FANCL: variants seen among roughly 807,000 people sequenced by gnomAD.
FANCL encodes the protein FA complementation group L, also known as E3 ubiquitin-protein ligase FANCL.
FANCL carries 69 observed loss-of-function variants against 59.4 expected under a neutral mutation model. The observed-to-expected ratio is 1.16, with a 90% CI of 0.96 to 1.42. FANCL has a LOEUF of 1.42. Among genes scored for constraint, FANCL ranks in the 40% most tolerant of loss-of-function variants. FANCL has a pLI of 0.00. For missense variants in FANCL, 519 were observed against 447.2 expected (o/e 1.16, Z -1.45); for synonymous variants, 180 against 147.1 (o/e 1.22, Z -1.62).
At chr2:58,161,789 T>C in intron 11 of FANCL, 151 bp from the exon 12 acceptor site, 1 of 636,686 alleles carries the variant, frequency 1.6e-6, no homozygotes, top group Non-Finnish European at 2.9e-6. Flanking sequence ...CCTCAACATT[T>C]ACCTTTTATG....
intron 5 of FANCL, among the ~76,000 whole-genome samples, chr2:58,220,613 T>C (rs2103727617): frequency 6.6e-6 from 1 of 152,334 alleles, no homozygotes; most frequent in South Asian, 2.1e-4. Flanking sequence ...AGTTATCAGG[T>C]AATGGTATAA....
At chr2:58,183,906 G>T (rs1292380560) in intron 7 of FANCL, among the ~76,000 whole-genome samples, 1 of 151,912 alleles carries the variant, frequency 6.6e-6, no homozygotes, top group Non-Finnish European at 1.5e-5. Flanking sequence ...ATGGTAACAA[G>T]GTATTTGATC....
At chr2:58,204,429 T>C (rs968261257) in intron 5 of FANCL, among the ~76,000 whole-genome samples, 6 of 152,146 alleles carry the variant, frequency 3.9e-5, no homozygotes, top group Non-Finnish European at 5.9e-5. Flanking sequence ...AATGCAGTCA[T>C]ATATCTCTGG....
intron 1 of FANCL, among the ~76,000 whole-genome samples, chr2:58,237,064 A>G (rs1694089507): frequency 6.6e-6 from 1 of 152,134 alleles, no homozygotes; most frequent in Admixed American, 6.5e-5. Flanking sequence ...CAGACAAAAA[A>G]GTCAGTGAGC....
chr2:58,217,183 T>G (rs1368748205), intron 5 of FANCL, among the ~76,000 whole-genome samples: 87 of 4,814 alleles, frequency 0.018, 2 homozygotes, highest in Middle Eastern at 0.1. Flanking sequence ...TATATATATA[T>G]ATATATATAT....
intron 5 of FANCL, among the ~76,000 whole-genome samples, chr2:58,215,019 A>G (rs1019240556): frequency 1.3e-5 from 2 of 152,210 alleles, no homozygotes; most frequent in East Asian, 1.9e-4. Flanking sequence ...ATCTCAATAC[A>G]ACAGAAATAA....
At chr2:58,226,845 TG>T (rs1446403935) in intron 3 of FANCL, 61 bp from the exon 4 acceptor site, 1 of 1,358,666 alleles carries the variant, frequency 7.4e-7, no homozygotes, top group Non-Finnish European at 1.0e-6. Flanking sequence ...CCACTAAAAC[TG>T]TAAAAAAATG....
intron 3 of FANCL, among the ~76,000 whole-genome samples, 197 bp from the exon 4 acceptor site, chr2:58,226,981 T>A (rs1452201536): frequency 6.6e-6 from 1 of 152,220 alleles, no homozygotes. Flanking sequence ...ATTAATGTCC[T>A]CAAATCTAAT....
chr2:58,227,942 A>G (rs1336794521), intron 3 of FANCL, among the ~76,000 whole-genome samples: 1 of 152,156 alleles, frequency 6.6e-6, no homozygotes, highest in East Asian at 1.9e-4. Flanking sequence ...AAAAAAAAAG[A>G]GAAAGAAGAG....
chr2:58,200,991 A>T (rs1054665690), intron 6 of FANCL, among the ~76,000 whole-genome samples: 1 of 151,326 alleles, frequency 6.6e-6, no homozygotes, highest in East Asian at 1.9e-4. Flanking sequence ...CAAACCTCAC[A>T]TAACAGTACA....
At chr2:58,240,110 T>TAAAAAAAAAAAAA in intron 1 of FANCL, among the ~76,000 whole-genome samples, 1 of 130,682 alleles carries the variant, frequency 7.7e-6, no homozygotes, top group Non-Finnish European at 1.7e-5. Flanking sequence ...ATGCTTCCTG[T>TAAAAAAAAAAAAA]AAAAAAAAAA....
chr2:58,177,496 C>T (rs899604853), intron 7 of FANCL, among the ~76,000 whole-genome samples: 123 of 151,556 alleles, frequency 8.1e-4, no homozygotes, highest in Non-Finnish European at 1.3e-3. Flanking sequence ...ATGGATGAAA[C>T]TGGAAATCAT....
intron 13 of FANCL, 116 bp downstream of exon 13, chr2:58,159,992 C>A: frequency 6.5e-7 from 1 of 1,547,132 alleles, no homozygotes; most frequent in Non-Finnish European, 8.7e-7. Context: ...AATAGAAATA[C>A]AGAGAATGAG....
rs1453579174 is a variant in FANCL at position 58,183,560 on chromosome 2, A to T, written c.540+15034T>A. On this transcript the variant is annotated intron_variant, in intron 7 of 13. Coordinates refer to ENST00000233741, the MANE Select transcript of FANCL (RefSeq NM_018062.4). ...AATAATCAAGAGTGGTTTTGTTCTC[A>T]CTCTGCTTCATTGATTTTATTCTAA... Among the ~76,000 whole-genome samples the T allele has an allele frequency of 3.3e-5, 5 of 151,638 alleles. No individual in the cohort carries two copies. The East Asian group carries it at 9.7e-4, about 29-fold the overall frequency.
At chr2:58,201,794 G>C (rs1281865942) in intron 6 of FANCL, among the ~76,000 whole-genome samples, 2 of 151,862 alleles carry the variant, frequency 1.3e-5, no homozygotes, top group African/African-American at 4.8e-5. Context: ...ATAGGTATTT[G>C]TTTTCTTTGT....
chr2:58,202,147 T>C (rs963672783), intron 6 of FANCL, among the ~76,000 whole-genome samples: 1 of 150,450 alleles, frequency 6.6e-6, no homozygotes, highest in African/African-American at 2.4e-5. Flanking sequence ...AATATTCCTA[T>C]ATGTGGAGTT....
intron 5 of FANCL, among the ~76,000 whole-genome samples, chr2:58,208,711 G>C (rs1417003374): frequency 6.6e-6 from 1 of 152,118 alleles, no homozygotes; most frequent in Non-Finnish European, 1.5e-5. Context: ...TCAAGTTTAA[G>C]CATTAACTAC....
chr2:58,238,693 T>C (rs1694243578), intron 1 of FANCL, among the ~76,000 whole-genome samples: 1 of 152,098 alleles, frequency 6.6e-6, no homozygotes, highest in African/African-American at 2.4e-5. Context: ...TTATAAACAA[T>C]ACTGTCTAAT....
At chr2:58,168,240 A>G (rs1483521286) in intron 7 of FANCL, among the ~76,000 whole-genome samples, 2 of 152,112 alleles carry the variant, frequency 1.3e-5, no homozygotes, top group Non-Finnish European at 2.9e-5. Context: ...TGCATTTCCA[A>G]CCAAGGTACC....
Sources: allele counts gnomAD v4.1 joint callset (sites outside exome capture counted in the v4.1 genomes callset), GRCh38; gene constraint gnomAD v4.1.1; transcripts MANE v1.5; gene names NCBI Gene and HGNC (gene_info 2026-07-23, HGNC 2026-07-21).